STAG1: variants seen among roughly 807,000 people sequenced by gnomAD.
STAG1 encodes the protein cohesin subunit SA-1.
Under a neutral mutation model 170.9 loss-of-function variants are expected in STAG1, and 26 were observed. The observed-to-expected ratio is 0.15, with a 90% CI of 0.11 to 0.21. The LOEUF (loss-of-function observed/expected upper bound fraction) is 0.21. Among genes scored for constraint, STAG1 ranks in the 10% least tolerant of loss-of-function variants. STAG1 has a pLI of 1.00. For missense variants in STAG1, 964 were observed against 1,509.5 expected, an observed-to-expected ratio of 0.64 and a Z score of 5.99; for synonymous variants, 514 against 497.7, an observed-to-expected ratio of 1.03 and a Z score of -0.44.
At position 136,558,733 on chromosome 3, in the gene STAG1, A is replaced by G. The variant is rs537622027; in HGVS notation, c.394+10032T>C. ...ATTTGACATCATCCAGAAAAGTTGCATATCTTATAACCCAGCAATTCCACC... is the reference window on the plus strand; with the variant it reads ...ATTTGACATCATCCAGAAAAGTTGCGTATCTTATAACCCAGCAATTCCACC... On this transcript the variant is annotated intron_variant, in intron 5 of 33. Transcript: ENST00000383202. Among the ~76,000 whole-genome samples, 13 of 152,362 alleles carry G rather than the reference A, an allele frequency of 8.5e-5. No individual in the cohort carries two copies. In the East Asian group the frequency reaches 1.9e-3, roughly 23 times the overall value.
At chr3:136,407,516 C>T (rs2087516762) in intron 21 of STAG1, among the ~76,000 whole-genome samples, 1 of 152,044 alleles carries the variant, frequency 6.6e-6, no homozygotes, top group Non-Finnish European at 1.5e-5. Flanking sequence ...GACTGGAGTA[C>T]AATGGTGCGA....
At position 136,559,400 on chromosome 3, in the gene STAG1, A is replaced by G. The variant is rs75719758; in HGVS notation, c.394+9365T>C. ...AAAAGAAAAATAACAATTAAAAAAA[A>G]GCAGACAATAAAGAGTATGTTATCT... On this transcript the variant is annotated intron_variant, in intron 5 of 33. Transcript: ENST00000383202. Among the ~76,000 whole-genome samples the G allele has an allele frequency of 5.4e-4, 83 of 152,350 alleles. 5 individuals carry two copies. In the East Asian group the frequency reaches 0.016, roughly 29 times the overall value.
At chr3:136,624,178 A>G (rs1308296602) in intron 2 of STAG1, among the ~76,000 whole-genome samples, 1 of 151,690 alleles carries the variant, frequency 6.6e-6, no homozygotes, top group African/African-American at 2.4e-5. Context: ...AGCTCACTGC[A>G]AGTTCCAACT....
intron 9 of STAG1, 56 bp downstream of exon 9, chr3:136,500,167 A>G (rs1299201142): frequency 1.7e-6 from 2 of 1,200,258 alleles, no homozygotes; most frequent in Non-Finnish European, 2.4e-6. Context: ...GGCCACAAAA[A>G]AAATCAATAA....
At chr3:136,477,702 G>C (rs1032201984) in intron 9 of STAG1, among the ~76,000 whole-genome samples, 6 of 152,104 alleles carry the variant, frequency 3.9e-5, no homozygotes, top group African/African-American at 1.4e-4. Flanking sequence ...AACTATTACA[G>C]AGCCAAGAAA....
chr3:136,519,044 A>G (rs1184949867), intron 7 of STAG1, among the ~76,000 whole-genome samples: 2 of 152,078 alleles, frequency 1.3e-5, no homozygotes, highest in Non-Finnish European at 2.9e-5. Context: ...ACTAAAAATG[A>G]GCAAATGAAA....
chr3:136,392,294 G>A (rs563541381), intron 22 of STAG1, among the ~76,000 whole-genome samples: 14 of 152,096 alleles, frequency 9.2e-5, no homozygotes, highest in African/African-American at 1.7e-4. Flanking sequence ...ATCTAAGAGC[G>A]GAGAGAGGTA....
intron 32 of STAG1, 48 bp downstream of exon 32, chr3:136,340,443 A>G (rs547901372): frequency 2.4e-6 from 3 of 1,236,822 alleles, no homozygotes; most frequent in South Asian, 2.4e-5. Context: ...TCTTACACCA[A>G]TGCCCCCACA....
chr3:136,603,425 T>TG (rs397822422), intron 4 of STAG1, among the ~76,000 whole-genome samples: 1 of 151,288 alleles, frequency 6.6e-6, no homozygotes, highest in Admixed American at 6.6e-5. Flanking sequence ...TTTAAAATGT[T>TG]AAAAATGTAG....
At chr3:136,522,249 T>C (rs1219406430) in intron 6 of STAG1, among the ~76,000 whole-genome samples, 1 of 152,190 alleles carries the variant, frequency 6.6e-6, no homozygotes, top group African/African-American at 2.4e-5. Flanking sequence ...TGAGCTCTAC[T>C]GGAGTCATAG....
intron 25 of STAG1, among the ~76,000 whole-genome samples, chr3:136,366,137 G>A (rs1937066190): frequency 1.3e-5 from 2 of 152,012 alleles, no homozygotes. Context: ...AGTTAGACAA[G>A]CCTAAAATAA....
intron 20 of STAG1, among the ~76,000 whole-genome samples, chr3:136,419,920 AATC>A (rs1436553019): frequency 1.3e-5 from 2 of 152,138 alleles, no homozygotes; most frequent in African/African-American, 4.8e-5. Context: ...GTGATAGCTA[AATC>A]ATTACAGTAA....
intron 28 of STAG1, 131 bp from the exon 29 acceptor site, chr3:136,349,494 G>C: frequency 1.5e-6 from 1 of 677,264 alleles, no homozygotes; most frequent in South Asian, 1.8e-5. Context: ...ACTATTAACA[G>C]TGGTCACCTT....
chr3:136,589,089 C>T (rs984128027), intron 4 of STAG1, among the ~76,000 whole-genome samples: 1 of 152,180 alleles, frequency 6.6e-6, no homozygotes, highest in South Asian at 2.1e-4. Context: ...TGGGGTTTCA[C>T]CACAATGGTC....
intron 1 of STAG1, among the ~76,000 whole-genome samples, chr3:136,649,503 C>CAAAAAAAAAAAAAAAAAAAAAAAAA (rs761067087): frequency 2.0e-4 from 14 of 70,818 alleles, no homozygotes; most frequent in Non-Finnish European, 2.7e-4. Flanking sequence ...AAAACAGAAA[C>CAAAAAAAAAAAAAAAAAAAAAAAAA]AAAAAAAAAA....
intron 1 of STAG1, among the ~76,000 whole-genome samples, chr3:136,742,714 C>CAAA (rs771229199): frequency 9.8e-6 from 1 of 102,012 alleles, no homozygotes. Flanking sequence ...GACTCCATCT[C>CAAA]AAAAAAAAAA....
chr3:136,751,779 T>C (rs1175746645), intron 1 of STAG1, among the ~76,000 whole-genome samples: 1 of 148,196 alleles, frequency 6.7e-6, no homozygotes, highest in Non-Finnish European at 1.5e-5. Flanking sequence ...CCGGCCCCGC[T>C]GGGCGCGGGC....
chr3:136,370,615 GT>G (rs1377977091), intron 23 of STAG1, among the ~76,000 whole-genome samples: 1 of 152,138 alleles, frequency 6.6e-6, no homozygotes, highest in East Asian at 1.9e-4. Context: ...GCAGTGTTTG[GT>G]TTTTTGTCCT....
intron 1 of STAG1, among the ~76,000 whole-genome samples, chr3:136,692,313 CAAAAAAAAAAA>C (rs71157399): frequency 0.016 from 758 of 46,234 alleles, 21 homozygotes; most frequent in African/African-American, 0.07. Context: ...GACTCCATCT[CAAAAAAAAAAA>C]AAAAAAAAAA....
Sources: gnomAD v4.1 joint callset for allele counts (sites outside exome capture counted in the v4.1 genomes callset) on GRCh38, gnomAD v4.1.1 for gene constraint, MANE v1.5 for transcripts, NCBI Gene and HGNC (gene_info 2026-07-23, HGNC 2026-07-21) for gene names.